Variants in MSH3 observed in about 807,000 individuals in gnomAD.
MSH3 encodes the protein mutS homolog 3.
MSH3 carries 106 observed loss-of-function variants against 123.3 expected under a neutral mutation model. The observed-to-expected ratio is 0.86, with a 90% CI of 0.73 to 1.01. MSH3 has a LOEUF of 1.01. Ranked by LOEUF, MSH3 falls within the 50% of genes least tolerant of loss-of-function variation. The probability of loss-of-function intolerance (pLI) is 0.00; values close to 1 mark genes in which losing one functional copy is unlikely to be tolerated. For missense variants in MSH3, 1,459 were observed against 1,347.6 expected, an observed-to-expected ratio of 1.08 and a Z score of -1.29; for synonymous variants, 515 against 481.4, an observed-to-expected ratio of 1.07 and a Z score of -0.91.
intron 8 of MSH3, among the ~76,000 whole-genome samples, chr5:80,700,808 T>C (rs1316828803): frequency 1.3e-5 from 2 of 152,210 alleles, no homozygotes; most frequent in Non-Finnish European, 2.9e-5. Context: ...AGTAGGTTTA[T>C]TGATAGTCGA....
intron 10 of MSH3, among the ~76,000 whole-genome samples, chr5:80,740,619 C>T (rs969923706): frequency 6.6e-6 from 1 of 152,166 alleles, no homozygotes; most frequent in East Asian, 1.9e-4. Flanking sequence ...CTTGGCCTCC[C>T]AAAGTGGTGG....
chr5:80,724,080 G>C (rs922675581), intron 8 of MSH3, among the ~76,000 whole-genome samples: 1 of 152,194 alleles, frequency 6.6e-6, no homozygotes, highest in Admixed American at 6.5e-5. Context: ...GGAAATCGTA[G>C]AGGGATGTGA....
At position 80,670,086 on chromosome 5, in the gene MSH3, T is replaced by C. The variant is rs2112812086; in HGVS notation, c.580-11T>C. 3 of 1,613,234 alleles carry C rather than the reference T, an allele frequency of 1.9e-6. No homozygotes were observed. The highest frequency in any genetic ancestry group is 1.7e-6 in the Non-Finnish European group (2 of 1,179,276). ...ATATTTTTAAAACTTTATACATCTT[T>C]TGGTTGCCAGGACACAACACTTTTT... On this transcript the variant is annotated splice_polypyrimidine_tract_variant and intron_variant, in intron 3 of 23. Coordinates refer to ENST00000265081, the MANE Select transcript of MSH3 (RefSeq NM_002439.5).
intron 22 of MSH3, among the ~76,000 whole-genome samples, chr5:80,869,979 G>T (rs917752014): frequency 1.3e-5 from 2 of 151,048 alleles, no homozygotes; most frequent in Non-Finnish European, 3.0e-5. Context: ...TTCAAGACCA[G>T]CCTGACCAAC....
intron 19 of MSH3, among the ~76,000 whole-genome samples, chr5:80,807,907 T>C (rs912013401): frequency 1.3e-5 from 2 of 152,196 alleles, no homozygotes; most frequent in African/African-American, 4.8e-5. Flanking sequence ...CACACAGGCA[T>C]AGGGAGAATG....
At chr5:80,871,891 A>G (rs982246427) in intron 22 of MSH3, among the ~76,000 whole-genome samples, 3 of 152,144 alleles carry the variant, frequency 2.0e-5, no homozygotes, top group Non-Finnish European at 4.4e-5. Flanking sequence ...TACAACAACC[A>G]GTCACTGGCT....
chr5:80,731,959 T>A (rs1328128257), intron 10 of MSH3, among the ~76,000 whole-genome samples: 3 of 152,218 alleles, frequency 2.0e-5, no homozygotes, highest in African/African-American at 7.2e-5. Context: ...GCTGCATATT[T>A]CATAAAAATC....
chr5:80,836,227 C>G (rs1270699554), intron 20 of MSH3, among the ~76,000 whole-genome samples: 1 of 152,126 alleles, frequency 6.6e-6, no homozygotes, highest in African/African-American at 2.4e-5. Flanking sequence ...TTTGGACATT[C>G]ACAAAATTGT....
chr5:80,773,769 T>C (rs937782147), intron 15 of MSH3, among the ~76,000 whole-genome samples: 1 of 152,160 alleles, frequency 6.6e-6, no homozygotes, highest in African/African-American at 2.4e-5. Context: ...CTTTTGTTTT[T>C]CTTTTTGTTT....
chr5:80,848,588 T>A (rs1561498106), intron 20 of MSH3, among the ~76,000 whole-genome samples: 1 of 152,284 alleles, frequency 6.6e-6, no homozygotes, highest in East Asian at 1.9e-4. Flanking sequence ...GGAGAGCAAG[T>A]CACATCTTAT....
At chr5:80,762,506 G>A (rs1282901430) in intron 13 of MSH3, among the ~76,000 whole-genome samples, 2 of 151,488 alleles carry the variant, frequency 1.3e-5, no homozygotes, top group Non-Finnish European at 2.9e-5. Context: ...ATGCTCAGAG[G>A]TTTAGTAACT....
At chr5:80,785,638 T>C (rs548838965) in intron 17 of MSH3, among the ~76,000 whole-genome samples, 342 of 152,304 alleles carry the variant, frequency 2.2e-3, no homozygotes, top group Non-Finnish European at 3.9e-3. Flanking sequence ...ATCCCATTAC[T>C]GGGTATATAC....
intron 9 of MSH3, among the ~76,000 whole-genome samples, chr5:80,727,441 A>C (rs990713514): frequency 6.6e-6 from 1 of 152,240 alleles, no homozygotes; most frequent in Non-Finnish European, 1.5e-5. Context: ...ATTAATGCTT[A>C]TTGCAAGAAA....
intron 20 of MSH3, among the ~76,000 whole-genome samples, chr5:80,824,811 C>T (rs957995405): frequency 3.3e-5 from 5 of 152,104 alleles, no homozygotes; most frequent in African/African-American, 4.8e-5. Flanking sequence ...ATTTCTCTAT[C>T]AGTTTATACA....
At position 80,876,106 on chromosome 5, in the gene MSH3, A is replaced by G; in HGVS notation, c.*244A>G. 2 of 486,768 alleles carry G rather than the reference A, an allele frequency of 4.1e-6. No individual in the cohort carries two copies. Among genetic ancestry groups the G allele is most frequent in the South Asian group, 5.7e-5 (2 of 35,302 alleles). The allele number at this position is 486,768 out of a possible 1,614,324, so 30.2% of individuals were successfully genotyped here. A position where few individuals can be genotyped will look rare whatever the true frequency, so the allele number is the denominator to read the frequency against. ...ACTTTGTAATTAGAAAATTTTATGG[A>G]CAGTAAGTCCAGTAAAGCCTTAAGT... On this transcript the variant is annotated 3_prime_UTR_variant, in exon 24 of 24. Transcript: ENST00000265081.
At chr5:80,810,348 C>T (rs374857965) in intron 19 of MSH3, among the ~76,000 whole-genome samples, 3 of 140,788 alleles carry the variant, frequency 2.1e-5, no homozygotes, top group African/African-American at 7.9e-5. Flanking sequence ...ATTAGATTAT[C>T]TCTATTTTTG....
At chr5:80,755,724 T>C (rs1438031003) in intron 12 of MSH3, among the ~76,000 whole-genome samples, 2 of 152,124 alleles carry the variant, frequency 1.3e-5, no homozygotes, top group Non-Finnish European at 2.9e-5. Context: ...CTCCTGCAGA[T>C]CTTGGTAATC....
At chr5:80,769,443 C>T (rs575948198) in intron 15 of MSH3, among the ~76,000 whole-genome samples, 1 of 151,868 alleles carries the variant, frequency 6.6e-6, no homozygotes, top group South Asian at 2.1e-4. Context: ...CTAAAAAAAA[C>T]AAGTCTAGAG....
intron 22 of MSH3, among the ~76,000 whole-genome samples, chr5:80,872,849 C>T (rs1027810266): frequency 2.6e-5 from 4 of 152,110 alleles, no homozygotes; most frequent in East Asian, 1.9e-4. Context: ...TTAATATAGA[C>T]GTTCAGTTCA....
Sources: allele counts gnomAD v4.1 joint callset (sites outside exome capture counted in the v4.1 genomes callset), GRCh38; gene constraint gnomAD v4.1.1; transcripts MANE v1.5; gene names NCBI Gene and HGNC (gene_info 2026-07-23, HGNC 2026-07-21).